Variants in SORCS1 observed in about 807,000 individuals in gnomAD.
The protein encoded by SORCS1 is VPS10 domain-containing receptor SorCS1.
A neutral mutation model predicts 146.1 loss-of-function variants in SORCS1; 60 were observed. The observed-to-expected ratio is 0.41, with a 90% CI of 0.33 to 0.51. SORCS1 has a LOEUF of 0.51. Among genes scored for constraint, SORCS1 ranks in the 20% least tolerant of loss-of-function variants. The probability of loss-of-function intolerance (pLI) is 0.21; values close to 1 mark genes in which losing one functional copy is unlikely to be tolerated. For synonymous variants in SORCS1, 637 were observed against 584.0 expected (o/e 1.09, Z -1.31); for missense variants, 1,352 against 1,487.6 (o/e 0.91, Z 1.50).
chr10:107,097,042 T>G (rs2134351232), intron 1 of SORCS1, among the ~76,000 whole-genome samples: 1 of 152,322 alleles, frequency 6.6e-6, no homozygotes, highest in South Asian at 2.1e-4. Flanking sequence ...CTCTCAATAT[T>G]GAGATCTTTT....
chr10:106,981,944 G>A (rs1564884888), intron 1 of SORCS1, among the ~76,000 whole-genome samples: 1 of 152,122 alleles, frequency 6.6e-6, no homozygotes, highest in African/African-American at 2.4e-5. Flanking sequence ...TCCATTGCGG[G>A]TTCCTGAGTT....
At chr10:106,718,423 C>T (rs1404961902) in intron 6 of SORCS1, among the ~76,000 whole-genome samples, 1 of 152,124 alleles carries the variant, frequency 6.6e-6, no homozygotes. Flanking sequence ...GATGGTGTGC[C>T]CGGAGTTTAT....
At chr10:107,123,077 C>CAAA (rs35115429) in intron 1 of SORCS1, among the ~76,000 whole-genome samples, 1 of 79,124 alleles carries the variant, frequency 1.3e-5, no homozygotes, top group Admixed American at 1.4e-4. Flanking sequence ...GACAAACTGG[C>CAAA]AAAAAAAAAA....
Position 106,593,173 on chromosome 10 carries a change from G to A in SORCS1, c.3265+4178C>T, listed in dbSNP as rs369650573. Among the ~76,000 whole-genome samples, 236 of 149,876 alleles carry A rather than the reference G, an allele frequency of 1.6e-3. 1 individual carries two copies. The Middle Eastern group carries it at 0.024, about 15-fold the overall frequency. On this transcript the variant is annotated intron_variant, in intron 24 of 25. Transcript: ENST00000263054. The stretch of plus-strand genomic sequence containing the variant: ...AACAAAACTGTGGCAAGTGTGTCTC[G>A]GCCCACCGATACCCTACCAAAGTGC...
chr10:106,782,309 C>A (rs75159564), intron 3 of SORCS1, among the ~76,000 whole-genome samples: 1,578 of 152,238 alleles, frequency 0.01, 25 homozygotes, highest in African/African-American at 0.035. Flanking sequence ...TCTGTCGCCC[C>A]GGCTGGAGTG....
chr10:106,645,010 T>C (rs1413181369), intron 18 of SORCS1, among the ~76,000 whole-genome samples: 3 of 152,118 alleles, frequency 2.0e-5, no homozygotes, highest in Non-Finnish European at 4.4e-5. Context: ...GGGACATAGG[T>C]GGTATACATG....
chr10:106,972,441 T>A (rs1235389687), intron 1 of SORCS1, among the ~76,000 whole-genome samples: 1 of 151,996 alleles, frequency 6.6e-6, no homozygotes, highest in African/African-American at 2.4e-5. Context: ...TAATTGACTT[T>A]ATTTTTGATT....
chr10:106,926,984 A>T (rs1457335525), intron 2 of SORCS1, among the ~76,000 whole-genome samples: 1 of 152,176 alleles, frequency 6.6e-6, no homozygotes, highest in Non-Finnish European at 1.5e-5. Context: ...AAACAATATA[A>T]TAATACATAA....
At chr10:107,003,448 G>A (rs1045493722) in intron 1 of SORCS1, among the ~76,000 whole-genome samples, 2 of 149,180 alleles carry the variant, frequency 1.3e-5, no homozygotes, top group Non-Finnish European at 3.0e-5. Context: ...GTGTGTGTGT[G>A]TGTGTGTGTG....
intron 15 of SORCS1, among the ~76,000 whole-genome samples, chr10:106,672,541 C>T (rs1325886385): frequency 6.6e-6 from 1 of 152,128 alleles, no homozygotes; most frequent in Non-Finnish European, 1.5e-5. Context: ...CTCATCCCTG[C>T]CCCCACCATG....
chr10:106,739,423 C>T (rs10466142), intron 5 of SORCS1, among the ~76,000 whole-genome samples: 118,359 of 150,936 alleles, frequency 0.78, 47,215 homozygotes, highest in Non-Finnish European at 0.87. Flanking sequence ...AGGCAGAGGC[C>T]GCAGTGAGCC....
chr10:106,892,167 C>T (rs554161202), intron 2 of SORCS1, among the ~76,000 whole-genome samples: 3 of 152,264 alleles, frequency 2.0e-5, no homozygotes, highest in South Asian at 2.1e-4. Context: ...TGAAATGGAC[C>T]GAGATTTCCC....
intron 3 of SORCS1, among the ~76,000 whole-genome samples, chr10:106,799,476 A>G (rs1489498202): frequency 6.6e-6 from 1 of 152,194 alleles, no homozygotes; most frequent in East Asian, 1.9e-4. Flanking sequence ...TTTGCAATCT[A>G]CTCATCTGAC....
chr10:106,832,573 G>A (rs528612053), intron 2 of SORCS1, among the ~76,000 whole-genome samples: 5 of 151,876 alleles, frequency 3.3e-5, no homozygotes, highest in Non-Finnish European at 5.9e-5. Context: ...TGTGTCTCCC[G>A]CATCTTGCTA....
At chr10:106,863,418 AG>A (rs1950097333) in intron 2 of SORCS1, among the ~76,000 whole-genome samples, 1 of 151,748 alleles carries the variant, frequency 6.6e-6, no homozygotes, top group East Asian at 1.9e-4. Context: ...TCAGCTACTC[AG>A]GACACTGAGG....
chr10:106,933,572 C>CACTT (rs1322405245), intron 2 of SORCS1, among the ~76,000 whole-genome samples: 1 of 152,152 alleles, frequency 6.6e-6, no homozygotes, highest in East Asian at 1.9e-4. Flanking sequence ...GCAAACTAAA[C>CACTT]ACTTACTCTC....
intron 3 of SORCS1, among the ~76,000 whole-genome samples, chr10:106,787,483 AT>A (rs1946108784): frequency 6.6e-6 from 1 of 152,164 alleles, no homozygotes; most frequent in South Asian, 2.1e-4. Flanking sequence ...TTAAAATTGT[AT>A]TTGCATCTGG....
At chr10:106,879,177 T>C (rs374657079) in intron 2 of SORCS1, among the ~76,000 whole-genome samples, 3 of 151,006 alleles carry the variant, frequency 2.0e-5, no homozygotes, top group African/African-American at 7.3e-5. Context: ...ATTGATAACT[T>C]ACCAAGAGTG....
chr10:106,711,150 T>C (rs1347023883), intron 6 of SORCS1, among the ~76,000 whole-genome samples: 1 of 152,248 alleles, frequency 6.6e-6, no homozygotes, highest in Non-Finnish European at 1.5e-5. Context: ...CAGATCCTAA[T>C]ACTGTTCCTG....
Sources: allele counts gnomAD v4.1 joint callset (sites outside exome capture counted in the v4.1 genomes callset), GRCh38; gene constraint gnomAD v4.1.1; transcripts MANE v1.5; gene names NCBI Gene and HGNC (gene_info 2026-07-23, HGNC 2026-07-21).